OR6B1: variants seen among roughly 807,000 people sequenced by gnomAD.
OR6B1 encodes olfactory receptor 6B1.
A neutral mutation model predicts 15.4 loss-of-function variants in OR6B1; 15 were observed. That is an observed-to-expected ratio of 0.97 (90% CI 0.65 to 1.50). The LOEUF (loss-of-function observed/expected upper bound fraction) is 1.50, where lower values mean the gene tolerates loss of function less well. OR6B1 is among the 40% of genes most tolerant of loss of function. The probability of loss-of-function intolerance (pLI) is 0.00; values close to 1 mark genes in which losing one functional copy is unlikely to be tolerated. For synonymous variants in OR6B1, 139 were observed against 144.9 expected, an observed-to-expected ratio of 0.96 and a Z score of 0.29; for missense variants, 384 against 385.0, an observed-to-expected ratio of 1.00 and a Z score of 0.02.
At chr7:144,002,653 C>T (rs1039164272) in intron 1 of OR6B1, among the ~76,000 whole-genome samples, 7 of 152,326 alleles carry the variant, frequency 4.6e-5, no homozygotes, top group East Asian at 1.9e-4. Context: ...CCAAGGAGTC[C>T]GTTTTGCAAC....
At position 144,005,239 on chromosome 7, in the gene OR6B1, T is replaced by C; in HGVS notation, c.*307T>C. 3.8e-6 allele frequency: 1 copy of C among 263,690 alleles called. No individual in the cohort carries two copies. Among genetic ancestry groups the C allele is most frequent in the Non-Finnish European group, 7.2e-6 (1 of 138,908 alleles). The allele number at this position is 263,690 out of a possible 1,614,324, so 16.3% of individuals were successfully genotyped here. A position where few individuals can be genotyped will look rare whatever the true frequency, so the allele number is the denominator to read the frequency against. Reference sequence around the variant, plus strand: ...GAGATGGTGATGGGTGAGTTAGCTGTTTTTGGATCTGCCATACACTAATAG... The same window carrying C: ...GAGATGGTGATGGGTGAGTTAGCTGCTTTTGGATCTGCCATACACTAATAG... On this transcript the variant is annotated 3_prime_UTR_variant, in exon 2 of 2. Transcript: ENST00000641698.
In OR6B1 at chr7:144,006,520, T is replaced by C. The variant is rs1273396870; in HGVS notation, c.*1588T>C. On this transcript the variant is annotated 3_prime_UTR_variant, in exon 2 of 2. Transcript: ENST00000641698. Reference sequence around the variant, plus strand: ...CTTAAAATGGAAAGGATTTAATGTTTGCTTCTGGAATGTAGTTTGGTCCCT... The same window carrying C: ...CTTAAAATGGAAAGGATTTAATGTTCGCTTCTGGAATGTAGTTTGGTCCCT... The C allele has an allele frequency of 6.6e-6, 1 of 152,214 alleles. No individual in the cohort carries two copies. The highest frequency in any genetic ancestry group is 6.5e-5 in the Admixed American group (1 of 15,278). 9.4% of individuals were successfully genotyped at this position (152,214 alleles called of 1,614,324 possible). A position where few individuals can be genotyped will look rare whatever the true frequency, so the allele number is the denominator to read the frequency against.
Position 144,008,535 on chromosome 7 carries a change from T to A in OR6B1, c.*3603T>A, listed in dbSNP as rs2050640293. 1 of 152,114 alleles carries A rather than the reference T, an allele frequency of 6.6e-6. No individual in the cohort carries two copies. The highest frequency in any genetic ancestry group is 1.5e-5 in the Non-Finnish European group (1 of 68,054). The allele number at this position is 152,114 out of a possible 1,614,324, so 9.4% of individuals were successfully genotyped here. A position where few individuals can be genotyped will look rare whatever the true frequency, so the allele number is the denominator to read the frequency against. ...TCATCTTGATTGTAATCCCCACATA[T>A]CAAAAGGGGAACCTGGTGGGAAGTG... On this transcript the variant is annotated 3_prime_UTR_variant, in exon 2 of 2. Coordinates refer to ENST00000641698, the MANE Select transcript of OR6B1 (RefSeq NM_001005281.3).
chr7:144,005,424 C>T lies in OR6B1; in HGVS notation c.*492C>T, dbSNP rs958399137. 1 of 155,786 alleles carries T rather than the reference C, an allele frequency of 6.4e-6. No individual in the cohort carries two copies. The highest frequency in any genetic ancestry group is 2.4e-5 in the African/African-American group (1 of 41,482). 9.7% of individuals were successfully genotyped at this position (155,786 alleles called of 1,614,324 possible). ...TTGCAACACTTTTTGCAAGCACTTACTAACCTGTATTAAATCCCTTTCTGC... is the reference window on the plus strand; with the variant it reads ...TTGCAACACTTTTTGCAAGCACTTATTAACCTGTATTAAATCCCTTTCTGC... On this transcript the variant is annotated 3_prime_UTR_variant, in exon 2 of 2. Transcript: ENST00000641698.
rs990896961 is a variant in OR6B1 at position 144,006,579 on chromosome 7, C to G, written c.*1647C>G. 1 of 152,092 alleles carries G rather than the reference C, an allele frequency of 6.6e-6. No individual in the cohort carries two copies. The highest frequency in any genetic ancestry group is 1.5e-5 in the Non-Finnish European group (1 of 68,022). 9.4% of individuals were successfully genotyped at this position (152,092 alleles called of 1,614,324 possible). ...CAAGTAAGTTGTGATGAATATATTT[C>G]TATTTAAAATCTAGACACACAAAAA... On this transcript the variant is annotated 3_prime_UTR_variant, in exon 2 of 2. Coordinates refer to ENST00000641698, the MANE Select transcript of OR6B1 (RefSeq NM_001005281.3).
At position 144,004,721 on chromosome 7, in the gene OR6B1, A is replaced by C. The variant is rs754000213; in HGVS notation, c.725A>C (p.His242Pro). The change falls in exon 2 of 2, where the codon CAT (histidine) becomes CCT (proline). Residue 242 changes from histidine to proline, a missense_variant. Physicochemically the swap from His to Pro is moderately conservative, Grantham distance 77 (BLOSUM62 -2). Coordinates refer to ENST00000641698, the MANE Select transcript of OR6B1 (RefSeq NM_001005281.3). ...KQKAFSTCAS[H>P]LVVVTIFYSA... ...AAAGCGTTCTCCACTTGTGCCTCCC[A>C]TCTTGTGGTGGTCACCATTTTCTAT... is the stretch of plus-strand genomic sequence containing the variant. 1.9e-6 allele frequency: 3 copies of C among 1,614,110 alleles called. No individual in the cohort carries two copies. The highest frequency in any genetic ancestry group is 2.5e-6 in the Non-Finnish European group (3 of 1,180,008).
In OR6B1 at chr7:144,004,158, A is replaced by C; in HGVS notation, c.162A>C (p.Pro54=). ...TCCTATTGGTGCTGCAAAATCGGCC[A>C]CTGCACAAGCCTATGTACTTCTTCC... ...IIILLVLQNR[P]LHKPMYFFLA... The change falls in exon 2 of 2, where the codon CCA becomes CCC. Residue 54 remains proline, a synonymous_variant. Coordinates refer to ENST00000641698, the MANE Select transcript of OR6B1 (RefSeq NM_001005281.3). 1 of 1,614,176 alleles carries C rather than the reference A, an allele frequency of 6.2e-7. No homozygotes were observed. The highest frequency in any genetic ancestry group is 8.5e-7 in the Non-Finnish European group (1 of 1,180,016).
rs1293833791 is a variant in OR6B1, at chr7:144,005,491, G to A, written c.*559G>A. 1 of 152,482 alleles carries A rather than the reference G, an allele frequency of 6.6e-6. No homozygotes were observed. Among genetic ancestry groups the A allele is most frequent in the Non-Finnish European group, 1.5e-5 (1 of 68,336 alleles). The allele number at this position is 152,482 out of a possible 1,614,324, so 9.4% of individuals were successfully genotyped here. ...GCTTTCTTTTATCTGTAAGTGAATT[G>A]TACCTTACACAATTGTGTTTTGTCT... On this transcript the variant is annotated 3_prime_UTR_variant, in exon 2 of 2. Coordinates refer to ENST00000641698, the MANE Select transcript of OR6B1 (RefSeq NM_001005281.3).
rs532429548 is a variant in OR6B1 at position 144,007,051 on chromosome 7, G to A, written c.*2119G>A. The A allele has an allele frequency of 6.6e-6, 1 of 152,180 alleles. No homozygotes were observed. The highest frequency in any genetic ancestry group is 1.5e-5 in the Non-Finnish European group (1 of 68,032). The allele number at this position is 152,180 out of a possible 1,614,324, so 9.4% of individuals were successfully genotyped here. ...CACCTAGTTGACTCCACATACTATA[G>A]TTATAGTTAACCTGGGAGGCTACAA... On this transcript the variant is annotated 3_prime_UTR_variant, in exon 2 of 2. Coordinates refer to ENST00000641698, the MANE Select transcript of OR6B1 (RefSeq NM_001005281.3).
intron 1 of OR6B1, 51 bp from the exon 2 acceptor site, chr7:144,003,921 G>T: frequency 1.0e-6 from 1 of 973,372 alleles, no homozygotes; most frequent in Non-Finnish European, 1.5e-6. Context: ...GACAAGTATG[G>T]AAAAATATAG....
At position 144,004,100 on chromosome 7, in the gene OR6B1, A is replaced by G; in HGVS notation, c.104A>G (p.Tyr35Cys). The change falls in exon 2 of 2, where the codon TAT becomes TGT. Residue 35 changes from tyrosine to cysteine, a missense_variant. By Grantham distance (194) the Tyr-to-Cys change is radical (BLOSUM62 -2). Transcript: ENST00000641698. The stretch of plus-strand genomic sequence containing the variant: ...ATGTTTCTGATATTCCTTGTGGCCT[A>G]TATTCTGACAGTGGCTGAAAACGTG... ...AAMFLIFLVA[Y>C]ILTVAENVII... The G allele has an allele frequency of 1.9e-6, 3 of 1,614,068 alleles. No homozygotes were observed. Among genetic ancestry groups the G allele is most frequent in the Non-Finnish European group, 2.5e-6 (3 of 1,180,028 alleles).
In OR6B1 at chr7:144,007,859, C is replaced by A. The variant is rs1227972101; in HGVS notation, c.*2927C>A. ...AAAGTTAAGGACCTCAAACTGAGAC[C>A]ATTCTGGATTATCCGAGTGGACTCA... On this transcript the variant is annotated 3_prime_UTR_variant, in exon 2 of 2. Transcript: ENST00000641698. The A allele has an allele frequency of 6.6e-6, 1 of 152,026 alleles. No homozygotes were observed. The highest frequency in any genetic ancestry group is 1.5e-5 in the Non-Finnish European group (1 of 68,012). 9.4% of individuals were successfully genotyped at this position (152,026 alleles called of 1,614,324 possible).
In OR6B1 at chr7:144,005,326, G is replaced by A. The variant is rs1021095808; in HGVS notation, c.*394G>A. On this transcript the variant is annotated 3_prime_UTR_variant, in exon 2 of 2. Transcript: ENST00000641698. ...TTCCCATCTTTCTAAGACAGAGGTA[G>A]CAACTCCCTCAACAGTCTCATTCTT... 2 of 164,858 alleles carry A rather than the reference G, an allele frequency of 1.2e-5. No homozygotes were observed. Among genetic ancestry groups the A allele is most frequent in the African/African-American group, 4.8e-5 (2 of 41,734 alleles). 10.2% of individuals were successfully genotyped at this position (164,858 alleles called of 1,614,324 possible).
rs2050629256 is a variant in OR6B1 at position 144,006,985 on chromosome 7, T to C, written c.*2053T>C. 6.6e-6 allele frequency: 1 copy of C among 152,186 alleles called. No homozygotes were observed. Among genetic ancestry groups the C allele is most frequent in the Non-Finnish European group, 1.5e-5 (1 of 68,010 alleles). 9.4% of individuals were successfully genotyped at this position (152,186 alleles called of 1,614,324 possible). A position where few individuals can be genotyped will look rare whatever the true frequency, so the allele number is the denominator to read the frequency against. Reference sequence around the variant, plus strand: ...TTAGGGTTTGCATGGGAAAACTGTTTGGGAAGGCTATGCTCTCTGGACCTG... The same window carrying C: ...TTAGGGTTTGCATGGGAAAACTGTTCGGGAAGGCTATGCTCTCTGGACCTG... On this transcript the variant is annotated 3_prime_UTR_variant, in exon 2 of 2. Coordinates refer to ENST00000641698, the MANE Select transcript of OR6B1 (RefSeq NM_001005281.3).
At position 144,004,429 on chromosome 7, in the gene OR6B1, G is replaced by T. The variant is rs199611986; in HGVS notation, c.433G>T (p.Ala145Ser). Residue 145 changes from alanine to serine, a missense_variant, in exon 2 of 2, where the codon GCT becomes TCT. Transcript: ENST00000641698. ...IMSHGLCFRL[A>S]LGSWAIGFGI... ...GAGCCATGGGCTCTGCTTCCGCCTC[G>T]CTCTTGGTTCCTGGGCCATTGGCTT... is the stretch of plus-strand genomic sequence containing the variant. The T allele has an allele frequency of 6.2e-7, 1 of 1,614,128 alleles. No individual in the cohort carries two copies. Among genetic ancestry groups the T allele is most frequent in the South Asian group, 1.1e-5 (1 of 91,070 alleles).
At position 144,008,095 on chromosome 7, in the gene OR6B1, A is replaced by C. The variant is rs1359480785; in HGVS notation, c.*3163A>C. 6.6e-6 allele frequency: 1 copy of C among 152,258 alleles called. No individual in the cohort carries two copies. Among genetic ancestry groups the C allele is most frequent in the African/African-American group, 2.4e-5 (1 of 41,448 alleles). The allele number at this position is 152,258 out of a possible 1,614,324, so 9.4% of individuals were successfully genotyped here. ...GCTTGATTTTGGACTCCTGGCCTCC[A>C]GAACTATAAGACAATATATTTCTGT... On this transcript the variant is annotated 3_prime_UTR_variant, in exon 2 of 2. Transcript: ENST00000641698.
In OR6B1 at chr7:144,005,184, G is replaced by A; in HGVS notation, c.*252G>A. On this transcript the variant is annotated 3_prime_UTR_variant, in exon 2 of 2. Transcript: ENST00000641698. ...CCAAATGGGGTTTCTAAGACTGTGA[G>A]TAAATTTATAACTGAGTTAAGTAGG... 5.0e-6 allele frequency: 2 copies of A among 401,730 alleles called. No homozygotes were observed. Among genetic ancestry groups the A allele is most frequent in the Non-Finnish European group, 8.9e-6 (2 of 224,642 alleles). The allele number at this position is 401,730 out of a possible 1,614,324, so 24.9% of individuals were successfully genotyped here. A position where few individuals can be genotyped will look rare whatever the true frequency, so the allele number is the denominator to read the frequency against.
At position 144,008,093 on chromosome 7, in the gene OR6B1, C is replaced by A. The variant is rs1274803372; in HGVS notation, c.*3161C>A. 6.6e-6 allele frequency: 1 copy of A among 152,168 alleles called. No homozygotes were observed. Among genetic ancestry groups the A allele is most frequent in the African/African-American group, 2.4e-5 (1 of 41,420 alleles). 9.4% of individuals were successfully genotyped at this position (152,168 alleles called of 1,614,324 possible). ...CAGCTTGATTTTGGACTCCTGGCCT[C>A]CAGAACTATAAGACAATATATTTCT... is the stretch of plus-strand genomic sequence containing the variant. On this transcript the variant is annotated 3_prime_UTR_variant, in exon 2 of 2. Transcript: ENST00000641698.
rs1461631503 is a variant in OR6B1 at position 144,005,543 on chromosome 7, T to G, written c.*611T>G. 1.3e-5 allele frequency: 2 copies of G among 152,272 alleles called. No individual in the cohort carries two copies. Among genetic ancestry groups the G allele is most frequent in the Non-Finnish European group, 2.9e-5 (2 of 68,054 alleles). 9.4% of individuals were successfully genotyped at this position (152,272 alleles called of 1,614,324 possible). On this transcript the variant is annotated 3_prime_UTR_variant, in exon 2 of 2. Transcript: ENST00000641698. ...CTGATATAACTCACACAGTTGCCTT[T>G]TATTGAATTTTATATTTCCCTTCTA...
Sources: allele counts gnomAD v4.1 joint callset (sites outside exome capture counted in the v4.1 genomes callset), GRCh38; gene constraint gnomAD v4.1.1; transcripts MANE v1.5; gene names NCBI Gene and HGNC (gene_info 2026-07-23, HGNC 2026-07-21).